HACE1: variants seen among roughly 807,000 people sequenced by gnomAD.
HACE1 encodes the protein E3 ubiquitin-protein ligase HACE1.
HACE1 carries 73 observed loss-of-function variants against 118.4 expected under a neutral mutation model. That is an observed-to-expected ratio of 0.62 (90% CI 0.51 to 0.75). The LOEUF (loss-of-function observed/expected upper bound fraction) is 0.75. Among genes scored for constraint, HACE1 ranks in the 30% least tolerant of loss-of-function variants. The probability of loss-of-function intolerance (pLI) is 0.00; values close to 1 mark genes in which losing one functional copy is unlikely to be tolerated. For missense variants in HACE1, 749 were observed against 1,102.2 expected (o/e 0.68, Z 4.54); for synonymous variants, 368 against 374.8 (o/e 0.98, Z 0.21).
At position 104,802,033 on chromosome 6, in the gene HACE1, C is replaced by CAAAA. The variant is rs533831848; in HGVS notation, c.618-5012_618-5009dup. On this transcript the variant is annotated intron_variant, in intron 7 of 23. Transcript: ENST00000262903. ...AAGATCTACCAAGCAAACGAAAAGC[C>CAAAA]AAAAAAAAAAAAAAAAAAGCAGGGG... Among the ~76,000 whole-genome samples the CAAAA allele has an allele frequency of 6.0e-4, 35 of 58,748 alleles. 1 individual carries two copies. Among genetic ancestry groups the CAAAA allele is most frequent in the Non-Finnish European group, 8.6e-4 (23 of 26,656 alleles). 38.5% of individuals were successfully genotyped at this position (58,748 alleles called of 152,430 possible).
Position 104,771,322 on chromosome 6 carries a change from A to T in HACE1, c.2082T>A (p.Ile694=), listed in dbSNP as rs1310535317. The part of the protein sequence containing the change: ...DPEYAKNLQW[I]LDNDISDLGL... The stretch of plus-strand genomic sequence containing the variant: ...CCAGATCACTTATATCATTATCTAA[A>T]ATCCATTGCAAATTTTTCGCATATT... Residue 694 remains isoleucine (I), a synonymous_variant, in exon 19 of 24, where the codon ATT becomes ATA. Coordinates refer to ENST00000262903, the MANE Select transcript of HACE1 (RefSeq NM_020771.4). 2 of 1,611,888 alleles carry T rather than the reference A, an allele frequency of 1.2e-6. No homozygotes were observed. The highest frequency in any genetic ancestry group is 2.7e-5 in the African/African-American group (2 of 74,878).
At chr6:104,731,337 C>T (rs1390080161) in intron 22 of HACE1, 1 of 151,674 alleles carries the variant, frequency 6.6e-6, no homozygotes, top group Non-Finnish European at 1.5e-5. Context: ...AAAATACTTT[C>T]TTAAAAATAT....
At chr6:104,771,041 C>T (rs1780546371) in intron 19 of HACE1, 152 bp downstream of exon 19, 3 of 629,878 alleles carry the variant, frequency 4.8e-6, no homozygotes, top group Non-Finnish European at 8.5e-6. Flanking sequence ...CAAAATTTAA[C>T]ATTTGATTGT....
Position 104,849,330 on chromosome 6 carries a change from A to G in HACE1, c.222-84T>C, listed in dbSNP as rs538120684. On this transcript the variant is annotated intron_variant, in intron 3 of 23. Coordinates refer to ENST00000262903, the MANE Select transcript of HACE1 (RefSeq NM_020771.4). ...GTTCAATTAAAAAACAAAATATTCT[A>G]TTAAACACAATTTTCTTTTTGTTTT... 1.0e-4 allele frequency: 89 copies of G among 865,102 alleles called. No individual in the cohort carries two copies. In the South Asian group the frequency reaches 1.1e-3, roughly 10 times the overall value. The allele number at this position is 865,102 out of a possible 1,614,324, so 53.6% of individuals were successfully genotyped here. A position where few individuals can be genotyped will look rare whatever the true frequency, so the allele number is the denominator to read the frequency against.
At chr6:104,858,437 A>G in intron 1 of HACE1, 1 of 347,366 alleles carries the variant, frequency 2.9e-6, no homozygotes, top group Middle Eastern at 3.7e-4. Flanking sequence ...GCGGTGGCTC[A>G]CATCTGTAAT....
At chr6:104,753,057 C>T (rs1314542604) in intron 19 of HACE1, among the ~76,000 whole-genome samples, 1 of 152,158 alleles carries the variant, frequency 6.6e-6, no homozygotes, top group African/African-American at 2.4e-5. Context: ...CGAACTGCTT[C>T]TAAAATGTTT....
intron 7 of HACE1, among the ~76,000 whole-genome samples, chr6:104,800,973 AG>A (rs1449172221): frequency 6.6e-6 from 1 of 152,190 alleles, no homozygotes; most frequent in Non-Finnish European, 1.5e-5. Context: ...CCTTGAAAAA[AG>A]GTTAGACGAA....
chr6:104,730,958 C>G (rs769721636), intron 22 of HACE1: 1 of 156,938 alleles, frequency 6.4e-6, no homozygotes, highest in East Asian at 1.9e-4. Context: ...CTGAAAAATT[C>G]TTTATGTTCC....
At chr6:104,758,185 G>T (rs760787263) in intron 19 of HACE1, among the ~76,000 whole-genome samples, 1 of 152,054 alleles carries the variant, frequency 6.6e-6, no homozygotes, top group Non-Finnish European at 1.5e-5. Context: ...TCAAATTCAG[G>T]AAATACAGAG....
intron 6 of HACE1, among the ~76,000 whole-genome samples, chr6:104,822,288 C>A (rs1278743175): frequency 6.7e-6 from 1 of 149,160 alleles, no homozygotes; most frequent in Non-Finnish European, 1.5e-5. Context: ...GAGGCTGAGG[C>A]AGGAGAATGG....
intron 5 of HACE1, among the ~76,000 whole-genome samples, chr6:104,833,812 T>C (rs1001281263): frequency 6.6e-6 from 1 of 151,978 alleles, no homozygotes; most frequent in Admixed American, 6.6e-5. Context: ...TGGTGAAACC[T>C]TGTCTCTACT....
At chr6:104,741,251 A>AG (rs1269938536) in intron 22 of HACE1, among the ~76,000 whole-genome samples, 4 of 112,782 alleles carry the variant, frequency 3.5e-5, no homozygotes, top group Non-Finnish European at 6.9e-5. Flanking sequence ...AACTGGCACA[A>AG]GACAGGGACG....
At chr6:104,857,200 T>TAC (rs1776810597) in intron 1 of HACE1, among the ~76,000 whole-genome samples, 1 of 141,920 alleles carries the variant, frequency 7.0e-6, no homozygotes, top group African/African-American at 2.6e-5. Flanking sequence ...CATATATATT[T>TAC]ACATATATAT....
rs2114327711 is a variant in HACE1 at position 104,729,187 on chromosome 6, T to C, written c.*475A>G. 6.4e-6 allele frequency: 1 copy of C among 156,400 alleles called. No individual in the cohort carries two copies. The highest frequency in any genetic ancestry group is 1.9e-4 in the East Asian group (1 of 5,298). 9.7% of individuals were successfully genotyped at this position (156,400 alleles called of 1,614,324 possible). ...AATACACTGTGGCAAAATACGTATTTGTGGCTTTATAGACAATCTAAATCC... is the reference window on the plus strand; with the variant it reads ...AATACACTGTGGCAAAATACGTATTCGTGGCTTTATAGACAATCTAAATCC... On this transcript the variant is annotated 3_prime_UTR_variant, in exon 24 of 24. Transcript: ENST00000262903.
intron 4 of HACE1, 112 bp from the exon 5 acceptor site, chr6:104,843,410 TC>T: frequency 1.4e-6 from 1 of 730,146 alleles, no homozygotes. Flanking sequence ...CATCATAACA[TC>T]TTTATCTGTA....
At chr6:104,736,789 A>T (rs1167507199) in intron 22 of HACE1, among the ~76,000 whole-genome samples, 24 of 152,200 alleles carry the variant, frequency 1.6e-4, no homozygotes, top group Non-Finnish European at 2.9e-5. Context: ...TATTCTTTAA[A>T]ATTAGATTTA....
intron 14 of HACE1, among the ~76,000 whole-genome samples, chr6:104,778,224 G>GT (rs754007858): frequency 6.6e-6 from 1 of 152,110 alleles, no homozygotes; most frequent in Non-Finnish European, 1.5e-5. Context: ...TAAGCAAACT[G>GT]TGAGTTATCT....
Position 104,730,334 on chromosome 6 carries a change from T to A in HACE1, c.2596A>T (p.Thr866Ser), listed in dbSNP as rs1264957705. Residue 866 changes from threonine (T) to serine (S), a missense_variant, in exon 23 of 24, where the codon ACT becomes TCT. Transcript: ENST00000262903. ...QNFTIAAVPY[T>S]PNLLPTSSTC... is the part of the protein sequence containing the mutation. ...CTTGAAGTTGGTAAAAGATTTGGAG[T>A]ATATGGCACAGCAGCGATTGTAAAG... 1 of 1,580,374 alleles carries A rather than the reference T, an allele frequency of 6.3e-7. No individual in the cohort carries two copies. Among genetic ancestry groups the A allele is most frequent in the Non-Finnish European group, 8.7e-7 (1 of 1,149,280 alleles).
chr6:104,784,868 CAAG>C, intron 12 of HACE1, 114 bp downstream of exon 12: 1 of 724,580 alleles, frequency 1.4e-6, no homozygotes, highest in East Asian at 2.6e-5. Flanking sequence ...TATCTTAAAA[CAAG>C]GAGAAAACTT....
Sources: allele counts gnomAD v4.1 joint callset (sites outside exome capture counted in the v4.1 genomes callset), GRCh38; gene constraint gnomAD v4.1.1; transcripts MANE v1.5; gene names NCBI Gene and HGNC (gene_info 2026-07-23, HGNC 2026-07-21).